ASTN1: variants seen among roughly 807,000 people sequenced by gnomAD.
ASTN1 encodes the protein astrotactin 1, also known as astrotactin-1.
Under a neutral mutation model 140.7 loss-of-function variants are expected in ASTN1, and 41 were observed. The ratio of observed to expected loss-of-function variants is 0.29; its 90% CI spans 0.23 to 0.38. The LOEUF is 0.38. Among genes scored for constraint, ASTN1 ranks in the 10% least tolerant of loss-of-function variants. The probability of loss-of-function intolerance (pLI) is 1.00; values close to 1 mark genes in which losing one functional copy is unlikely to be tolerated. For synonymous variants in ASTN1, 640 were observed against 652.2 expected, an observed-to-expected ratio of 0.98 and a Z score of 0.29; for missense variants, 1,479 against 1,678.8, an observed-to-expected ratio of 0.88 and a Z score of 2.08.
chr1:176,982,431 G>A (rs552679191), intron 8 of ASTN1, among the ~76,000 whole-genome samples: 1 of 152,238 alleles, frequency 6.6e-6, no homozygotes, highest in African/African-American at 2.4e-5. Context: ...TCACCTGGAG[G>A]GCTTATTAAA....
chr1:177,164,623 C>T lies in ASTN1; in HGVS notation c.54G>A (p.Ala18=). Residue 18 remains alanine, a synonymous_variant, in exon 1 of 23, where the codon GCG becomes GCA. Coordinates refer to ENST00000361833, the MANE Select transcript of ASTN1 (RefSeq NM_004319.3). ...CGTCGCCGGCGGCCGTGGCCAGCAC[C>T]GCCGCCGGCCCCCAGCAGCAGGCGA... ...ALLACCWGPA[A]VLATAAGDVD... is the part of the protein sequence containing the mutation. 6.2e-7 allele frequency: 1 copy of T among 1,608,664 alleles called. No homozygotes were observed. The highest frequency in any genetic ancestry group is 1.3e-5 in the African/African-American group (1 of 74,894).
At chr1:177,108,347 C>CAAAAAAAAAAAA (rs71129596) in intron 1 of ASTN1, among the ~76,000 whole-genome samples, 12 of 98,550 alleles carry the variant, frequency 1.2e-4, no homozygotes, top group East Asian at 3.3e-4. Context: ...GACTCCGTCT[C>CAAAAAAAAAAAA]AAAAAAAAAA....
At chr1:176,976,846 T>A (rs758071645) in intron 8 of ASTN1, 12 of 152,234 alleles carry the variant, frequency 7.9e-5, no homozygotes, top group Non-Finnish European at 1.3e-4. Flanking sequence ...CGGACACCCA[T>A]CTTTGCTCAC....
At chr1:176,955,275 A>T (rs1252376629) in intron 11 of ASTN1, among the ~76,000 whole-genome samples, 2 of 152,144 alleles carry the variant, frequency 1.3e-5, no homozygotes. Flanking sequence ...CTTCCAGATG[A>T]CAAGGGACCA....
intron 2 of ASTN1, among the ~76,000 whole-genome samples, chr1:177,033,603 T>C (rs1286591597): frequency 6.6e-6 from 1 of 152,200 alleles, no homozygotes; most frequent in South Asian, 2.1e-4. Context: ...AATCTCATCA[T>C]CTGAACATGA....
intron 2 of ASTN1, among the ~76,000 whole-genome samples, chr1:177,034,244 AACACACACACACACACAC>A (rs5778922): frequency 7.7e-5 from 11 of 143,304 alleles, no homozygotes; most frequent in South Asian, 4.9e-4. Context: ...TGAGCAAAGG[AACACACACACACACACAC>A]ACACACACAC....
chr1:176,993,683 T>C (rs1411008278), intron 8 of ASTN1, among the ~76,000 whole-genome samples: 2 of 152,180 alleles, frequency 1.3e-5, no homozygotes, highest in African/African-American at 4.8e-5. Context: ...CATTGCCCCA[T>C]ACGCATTAGT....
In ASTN1 at chr1:176,888,173, CAG is replaced by C; in HGVS notation, c.2970_2971del (p.Trp991ValfsTer15). ...GATGACATCTCCAGTCCCTGAGCAC[CAG>C]AGAGAGCTCATGGTAGCCTCCTGCA... On this transcript the variant is annotated frameshift_variant, in exon 18 of 23. Transcript: ENST00000361833. LOFTEE classifies it high-confidence loss of function. 1 of 1,614,042 alleles carries C rather than the reference CAG, an allele frequency of 6.2e-7. No individual in the cohort carries two copies. The highest frequency in any genetic ancestry group is 8.5e-7 in the Non-Finnish European group (1 of 1,179,998).
At chr1:176,914,270 T>C (rs987486460) in intron 16 of ASTN1, among the ~76,000 whole-genome samples, 2 of 152,196 alleles carry the variant, frequency 1.3e-5, no homozygotes, top group Non-Finnish European at 2.9e-5. Context: ...GTAGAGACTA[T>C]AAGTGTCACA....
intron 14 of ASTN1, among the ~76,000 whole-genome samples, chr1:176,937,239 G>A (rs1442516174): frequency 6.6e-6 from 1 of 152,124 alleles, no homozygotes; most frequent in Non-Finnish European, 1.5e-5. Context: ...CAGTATTTAA[G>A]TTTCAATTTC....
At chr1:177,159,406 G>A (rs576475614) in intron 1 of ASTN1, among the ~76,000 whole-genome samples, 1 of 152,288 alleles carries the variant, frequency 6.6e-6, no homozygotes, top group African/African-American at 2.4e-5. Context: ...CACTGTAGTG[G>A]AGAGAAAAAA....
intron 1 of ASTN1, among the ~76,000 whole-genome samples, chr1:177,151,777 A>G (rs1683047616): frequency 6.6e-6 from 1 of 152,146 alleles, no homozygotes; most frequent in African/African-American, 2.4e-5. Context: ...TTTTCAAGAA[A>G]TCGCCCTTAT....
Position 176,862,995 on chromosome 1 carries a change from T to C in ASTN1, c.*1289A>G. 1 of 985,366 alleles carries C rather than the reference T, an allele frequency of 1.0e-6. No homozygotes were observed. Among genetic ancestry groups the C allele is most frequent in the Non-Finnish European group, 1.2e-6 (1 of 829,834 alleles). 61.0% of individuals were successfully genotyped at this position (985,366 alleles called of 1,614,324 possible). A position where few individuals can be genotyped will look rare whatever the true frequency, so the allele number is the denominator to read the frequency against. Reference sequence around the variant, plus strand: ...TGTGTGGGACAGCTAAGGCCATTGCTAGTCAACAGGGCCTTGCCAGGCTCT... The same window carrying C: ...TGTGTGGGACAGCTAAGGCCATTGCCAGTCAACAGGGCCTTGCCAGGCTCT... On this transcript the variant is annotated 3_prime_UTR_variant, in exon 23 of 23. Transcript: ENST00000361833.
intron 5 of ASTN1, among the ~76,000 whole-genome samples, chr1:177,028,413 A>G (rs1367318956): frequency 1.3e-5 from 2 of 152,222 alleles, no homozygotes; most frequent in South Asian, 4.1e-4. Context: ...AAATGATGGA[A>G]AAACTTTTAT....
chr1:176,891,813 A>C (rs913361012), intron 17 of ASTN1, among the ~76,000 whole-genome samples: 1 of 152,186 alleles, frequency 6.6e-6, no homozygotes, highest in Non-Finnish European at 1.5e-5. Flanking sequence ...ACCCAGAAAA[A>C]CAAAAACAAA....
At chr1:177,069,272 G>T (rs1571737201) in intron 1 of ASTN1, among the ~76,000 whole-genome samples, 2 of 152,210 alleles carry the variant, frequency 1.3e-5, no homozygotes, top group Admixed American at 1.3e-4. Flanking sequence ...TGTTTCTGTG[G>T]ATAAGAGTAG....
chr1:177,003,408 T>C (rs1206427682), intron 8 of ASTN1, among the ~76,000 whole-genome samples: 2 of 152,138 alleles, frequency 1.3e-5, no homozygotes, highest in Non-Finnish European at 2.9e-5. Flanking sequence ...AGCAACTCAA[T>C]AGATGCAGAA....
chr1:176,884,576 G>C, intron 18 of ASTN1, 86 bp from the exon 19 acceptor site: 1 of 1,430,688 alleles, frequency 7.0e-7, no homozygotes, highest in Non-Finnish European at 9.5e-7. Flanking sequence ...GATACTGTAA[G>C]CTTTTCTTTC....
At chr1:176,934,798 A>G (rs556129130) in intron 15 of ASTN1, among the ~76,000 whole-genome samples, 3 of 152,278 alleles carry the variant, frequency 2.0e-5, no homozygotes, top group South Asian at 4.1e-4. Context: ...TGCATGTGGG[A>G]GTATGTGTAC....
Sources: gnomAD v4.1 joint callset for allele counts (sites outside exome capture counted in the v4.1 genomes callset) on GRCh38, gnomAD v4.1.1 for gene constraint, MANE v1.5 for transcripts, NCBI Gene and HGNC (gene_info 2026-07-23, HGNC 2026-07-21) for gene names.